The following KAT6B variants were observed in gnomAD, a reference collection of about 807,000 sequenced individuals.
The protein encoded by KAT6B is lysine acetyltransferase 6B.
A neutral mutation model predicts 187.5 loss-of-function variants in KAT6B; 10 were observed. That is an observed-to-expected ratio of 0.05 (90% CI 0.03 to 0.09). The LOEUF is 0.09. KAT6B is among the 10% of genes least tolerant of loss of function. The pLI is 1.00. For missense variants in KAT6B, 1,952 were observed against 2,558.9 expected (o/e 0.76, Z 5.12); for synonymous variants, 861 against 926.8 (o/e 0.93, Z 1.29).
chr10:74,897,037 T>C (rs576823995), intron 3 of KAT6B, among the ~76,000 whole-genome samples: 4 of 152,376 alleles, frequency 2.6e-5, no homozygotes, highest in African/African-American at 9.6e-5. Flanking sequence ...TGGTTTACTC[T>C]ACTTGATTAT....
At chr10:74,911,939 A>G (rs980211807) in intron 3 of KAT6B, among the ~76,000 whole-genome samples, 2 of 152,082 alleles carry the variant, frequency 1.3e-5, no homozygotes, top group Non-Finnish European at 2.9e-5. Context: ...CTGAGTAGCT[A>G]GGACTACATG....
chr10:75,027,124 G>C (rs1189216152), intron 17 of KAT6B, among the ~76,000 whole-genome samples: 1 of 152,160 alleles, frequency 6.6e-6, no homozygotes, highest in Non-Finnish European at 1.5e-5. Flanking sequence ...GGGCAACAGA[G>C]CAAGACTCCG....
At chr10:74,916,950 C>G (rs1321331086) in intron 3 of KAT6B, among the ~76,000 whole-genome samples, 1 of 152,082 alleles carries the variant, frequency 6.6e-6, no homozygotes, top group African/African-American at 2.4e-5. Context: ...CAAAAAAATA[C>G]AAAAGTGACC....
intron 3 of KAT6B, among the ~76,000 whole-genome samples, chr10:74,860,552 C>A (rs1487650462): frequency 6.6e-6 from 1 of 152,208 alleles, no homozygotes; most frequent in African/African-American, 2.4e-5. Flanking sequence ...AATCCTGGTG[C>A]ACAGGCAGAG....
At chr10:74,887,327 G>A (rs954384416) in intron 3 of KAT6B, among the ~76,000 whole-genome samples, 3 of 152,124 alleles carry the variant, frequency 2.0e-5, no homozygotes, top group African/African-American at 4.8e-5. Flanking sequence ...CAGGGCTTTC[G>A]TCTCTGTTTT....
At chr10:74,980,569 C>G (rs1842446169) in intron 10 of KAT6B, among the ~76,000 whole-genome samples, 1 of 152,138 alleles carries the variant, frequency 6.6e-6, no homozygotes, top group Non-Finnish European at 1.5e-5. Flanking sequence ...TAATGATAAG[C>G]CATGTGCTCT....
intron 13 of KAT6B, among the ~76,000 whole-genome samples, chr10:75,001,011 C>T (rs1329612002): frequency 6.6e-6 from 1 of 152,058 alleles, no homozygotes; most frequent in Non-Finnish European, 1.5e-5. Context: ...TTTGCAGCGT[C>T]CTTCTACATG....
Position 74,981,092 on chromosome 10 carries a change from G to T in KAT6B, c.2232-695G>T, listed in dbSNP as rs1415957879. Among the ~76,000 whole-genome samples the T allele has an allele frequency of 3.3e-5, 5 of 152,160 alleles. No homozygotes were observed. The East Asian group carries it at 9.6e-4, about 29-fold the overall frequency. On this transcript the variant is annotated intron_variant, in intron 10 of 17. Transcript: ENST00000287239. The stretch of plus-strand genomic sequence containing the variant: ...AGTAAATGTGAATTTTGAAAAATAT[G>T]CTTGGTCCCTTGACAGGATGATATC...
intron 13 of KAT6B, among the ~76,000 whole-genome samples, chr10:75,001,570 G>A (rs1423045020): frequency 6.6e-6 from 1 of 152,182 alleles, no homozygotes; most frequent in South Asian, 2.1e-4. Context: ...AAATACAGAA[G>A]TACGTGTCAT....
intron 13 of KAT6B, among the ~76,000 whole-genome samples, chr10:74,994,053 C>T (rs1403125148): frequency 6.6e-6 from 1 of 152,104 alleles, no homozygotes; most frequent in Non-Finnish European, 1.5e-5. Context: ...TTTTCACCTC[C>T]TAGTTTTACC....
chr10:74,913,024 A>G (rs551751945), intron 3 of KAT6B, among the ~76,000 whole-genome samples: 11 of 152,256 alleles, frequency 7.2e-5, no homozygotes, highest in Non-Finnish European at 1.3e-4. Flanking sequence ...CCTGGAGATA[A>G]ATAAGTGTCA....
At chr10:74,877,504 G>A (rs1170388364) in intron 3 of KAT6B, among the ~76,000 whole-genome samples, 1 of 152,154 alleles carries the variant, frequency 6.6e-6, no homozygotes, top group Non-Finnish European at 1.5e-5. Context: ...GCTGCAGAAA[G>A]TGACTGCTTA....
intron 13 of KAT6B, among the ~76,000 whole-genome samples, chr10:75,001,403 A>G (rs1330908609): frequency 6.6e-6 from 1 of 152,170 alleles, no homozygotes; most frequent in Non-Finnish European, 1.5e-5. Flanking sequence ...TTTTAAGTCC[A>G]TAAAGCGAAT....
intron 3 of KAT6B, among the ~76,000 whole-genome samples, chr10:74,876,941 C>CT (rs375724830): frequency 2.0e-5 from 3 of 151,020 alleles, no homozygotes; most frequent in Non-Finnish European, 4.4e-5. Context: ...ATAAAGAAAA[C>CT]TTTTTTTTTG....
chr10:74,977,177 G>C lies in KAT6B; in HGVS notation c.1994-139G>C, dbSNP rs923466148. The stretch of plus-strand genomic sequence containing the variant: ...CTGCTGGATCTATGAGCAGTGCTTA[G>C]ATGTAAAAGCTTATTTATAAAGCTT... On this transcript the variant is annotated intron_variant, in intron 8 of 17. Coordinates refer to ENST00000287239, the MANE Select transcript of KAT6B (RefSeq NM_012330.4). The C allele has an allele frequency of 2.7e-5, 21 of 785,320 alleles. No homozygotes were observed. In the African/African-American group the frequency reaches 3.5e-4, roughly 13 times the overall value. 48.6% of individuals were successfully genotyped at this position (785,320 alleles called of 1,614,324 possible). A position where few individuals can be genotyped will look rare whatever the true frequency, so the allele number is the denominator to read the frequency against.
intron 3 of KAT6B, among the ~76,000 whole-genome samples, chr10:74,905,280 C>G (rs566374618): frequency 6.6e-6 from 1 of 152,234 alleles, no homozygotes; most frequent in South Asian, 2.1e-4. Flanking sequence ...TGCCTCAGGC[C>G]ACAGCGACTA....
chr10:74,990,945 T>C (rs1369259403), intron 13 of KAT6B, among the ~76,000 whole-genome samples: 40 of 152,266 alleles, frequency 2.6e-4, no homozygotes, highest in Non-Finnish European at 4.4e-5. Context: ...CTGAGCATGG[T>C]CCTATACCTC....
chr10:75,023,665 G>C (rs12243116), intron 16 of KAT6B: 2 of 152,144 alleles, frequency 1.3e-5, no homozygotes, highest in African/African-American at 2.4e-5. Context: ...AACTGGCTAC[G>C]TGTGTGCTTC....
At chr10:74,905,362 G>A (rs1270412053) in intron 3 of KAT6B, among the ~76,000 whole-genome samples, 1 of 152,294 alleles carries the variant, frequency 6.6e-6, no homozygotes, top group African/African-American at 2.4e-5. Context: ...TTAATAAGTA[G>A]AAAGTGTTCT....
Sources: gnomAD v4.1 joint callset for allele counts (sites outside exome capture counted in the v4.1 genomes callset) on GRCh38, gnomAD v4.1.1 for gene constraint, MANE v1.5 for transcripts, NCBI Gene and HGNC (gene_info 2026-07-23, HGNC 2026-07-21) for gene names.